The following FIBCD1 variants were observed in gnomAD, a reference collection of about 807,000 sequenced individuals.
FIBCD1 encodes the protein fibrinogen C domain-containing protein 1.
A neutral mutation model predicts 45.1 loss-of-function variants in FIBCD1; 47 were observed. The observed-to-expected ratio is 1.04, with a 90% CI of 0.82 to 1.33. The LOEUF (loss-of-function observed/expected upper bound fraction) is 1.33. Among genes scored for constraint, FIBCD1 ranks in the 40% most tolerant of loss-of-function variants. The pLI is 0.00. For synonymous variants in FIBCD1, 313 were observed against 308.1 expected (o/e 1.02, Z -0.17); for missense variants, 653 against 682.2 (o/e 0.96, Z 0.48).
intron 1 of FIBCD1, among the ~76,000 whole-genome samples, chr9:130,932,076 C>T (rs1832453234): frequency 6.6e-6 from 1 of 152,174 alleles, no homozygotes; most frequent in Admixed American, 6.5e-5. Flanking sequence ...CTTTTTTTCA[C>T]GTTTTAGCAT....
At chr9:130,921,393 C>T (rs1490769445) in intron 4 of FIBCD1, among the ~76,000 whole-genome samples, 1 of 152,204 alleles carries the variant, frequency 6.6e-6, no homozygotes, top group Non-Finnish European at 1.5e-5. Context: ...TCGAGAGGTT[C>T]CTGGGAAAAG....
Position 130,905,263 on chromosome 9 carries a change from A to G in FIBCD1, c.1097T>C (p.Leu366Pro). ...SVDPEEDGYPLTVADYSGTAG... is the reference protein window; with the variant it reads ...SVDPEEDGYPPTVADYSGTAG... ...AGTGCCGGAATAGTCAGCCACGGTG[A>G]GCGGGTACCCGTCTTCCTCAGGGTC... is the stretch of plus-strand genomic sequence containing the variant. The change falls in exon 6 of 7, where the codon CTC becomes CCC. Residue 366 changes from leucine to proline, a missense_variant. Transcript: ENST00000372338. 1 of 1,613,844 alleles carries G rather than the reference A, an allele frequency of 6.2e-7. No homozygotes were observed. Among genetic ancestry groups the G allele is most frequent in the Non-Finnish European group, 8.5e-7 (1 of 1,179,974 alleles).
rs1279043379 is a variant in FIBCD1, at chr9:130,926,442, C to G, written c.553-2046G>C. On this transcript the variant is annotated intron_variant, in intron 2 of 6. Coordinates refer to ENST00000372338, the MANE Select transcript of FIBCD1 (RefSeq NM_032843.5). This position sits in a 1 kb window ranked among gnomAD's most constrained non-coding sequence, Gnocchi z 4.1. ...GCGCTTAGCGGTAGTGGTGTCAGAGCTGCTGTCCCCGGCACTGCTTAGCTG... is the reference window on the plus strand; with the variant it reads ...GCGCTTAGCGGTAGTGGTGTCAGAGGTGCTGTCCCCGGCACTGCTTAGCTG... 6.6e-6 allele frequency among the ~76,000 whole-genome samples: 1 copy of G among 152,230 alleles called. No individual in the cohort carries two copies. The highest frequency in any genetic ancestry group is 1.5e-5 in the Non-Finnish European group (1 of 68,046).
chr9:130,916,011 CCTCTGCCTCCCAGGTTCAAGCAATT>C (rs1476939111), intron 4 of FIBCD1, among the ~76,000 whole-genome samples: 12 of 152,208 alleles, frequency 7.9e-5, no homozygotes, highest in African/African-American at 1.9e-4. Context: ...CTCACTGCAA[CCTCTGCCTCCCAGGTTCAAGCAATT>C]CTCTGCCTCA....
At chr9:130,904,906 C>G (rs1377884226) in intron 6 of FIBCD1, among the ~76,000 whole-genome samples, 1 of 152,186 alleles carries the variant, frequency 6.6e-6, no homozygotes, top group Non-Finnish European at 1.5e-5. Context: ...TTCGCAGAAG[C>G]TCATCTTTTA....
intron 1 of FIBCD1, among the ~76,000 whole-genome samples, chr9:130,930,313 C>A (rs1463292604): frequency 6.6e-6 from 1 of 151,730 alleles, no homozygotes; most frequent in East Asian, 1.9e-4. Flanking sequence ...GAGGTGGAGA[C>A]ATAGGGAGAG....
At chr9:130,917,160 C>G in intron 4 of FIBCD1, among the ~76,000 whole-genome samples, 1 of 152,158 alleles carries the variant, frequency 6.6e-6, no homozygotes, top group African/African-American at 2.4e-5. Context: ...ATTACTGATT[C>G]ATTTTCAGGC....
At chr9:130,938,399 AT>A (rs1832553819) in intron 1 of FIBCD1, 136 bp downstream of exon 1, 1 of 688,376 alleles carries the variant, frequency 1.5e-6, no homozygotes, top group African/African-American at 1.9e-5. Flanking sequence ...GAGGGTCCCC[AT>A]CCCGGCCCGG....
rs919781100 is a variant in FIBCD1, at chr9:130,926,708, G to C, written c.553-2312C>G. On this transcript the variant is annotated intron_variant, in intron 2 of 6. Transcript: ENST00000372338. This position sits in a 1 kb window ranked among gnomAD's most constrained non-coding sequence, Gnocchi z 4.1. ...GTGGTGGCGGGCGCCTGTAGTCCCA[G>C]CTACTCAGGAGGCTGAGGCAGGAGA... 6.6e-6 allele frequency among the ~76,000 whole-genome samples: 1 copy of C among 152,152 alleles called. No individual in the cohort carries two copies. The highest frequency in any genetic ancestry group is 1.5e-5 in the Non-Finnish European group (1 of 68,012).
chr9:130,906,917 G>A lies in FIBCD1; in HGVS notation c.947-1504C>T, dbSNP rs12346186. Among the ~76,000 whole-genome samples, 41 of 152,254 alleles carry A rather than the reference G, an allele frequency of 2.7e-4. 1 individual carries two copies. The highest frequency in any genetic ancestry group is 8.7e-4 in the African/African-American group (36 of 41,552). Reference sequence around the variant, plus strand: ...GCTGACTGCTGCTTCCCAAGGCCCCGGGGAAGGAGTGCCTATTACTACCTA... The same window carrying A: ...GCTGACTGCTGCTTCCCAAGGCCCCAGGGAAGGAGTGCCTATTACTACCTA... On this transcript the variant is annotated intron_variant, in intron 5 of 6. Coordinates refer to ENST00000372338, the MANE Select transcript of FIBCD1 (RefSeq NM_032843.5).
At chr9:130,938,430 G>T in intron 1 of FIBCD1, 106 bp downstream of exon 1, 1 of 961,536 alleles carries the variant, frequency 1.0e-6, no homozygotes, top group African/African-American at 1.7e-5. Flanking sequence ...GCCTCGAAGG[G>T]GTGCGCCCCA....
rs1323531660 is a variant in FIBCD1 at position 130,930,066 on chromosome 9, G to A, written c.73-20C>T. On this transcript the variant is annotated intron_variant, in intron 1 of 6. Transcript: ENST00000372338. ...CGGCCGCTGCAGGCCCGCCCGGGAC[G>A]CACAGACACAGACAGACAGACGGGA... The A allele has an allele frequency of 1.7e-5, 26 of 1,498,402 alleles. No homozygotes were observed. Among genetic ancestry groups the A allele is most frequent in the African/African-American group, 2.8e-5 (2 of 72,086 alleles). 92.8% of individuals were successfully genotyped at this position (1,498,402 alleles called of 1,614,324 possible).
rs12342367 is a variant in FIBCD1 at position 130,904,170 on chromosome 9, G to A, written c.1280C>T (p.Ala427Val). The change falls in exon 7 of 7, where the codon GCG becomes GTG. Residue 427 changes from alanine to valine, a missense_variant. Transcript: ENST00000372338. ...SNLNGQYLRG[A>V]HASYADGVEW... ...CACGCCGTCGGCATAGGAGGCGTGC[G>A]CACCGCGCAGGTACTGCCCATTGAG... The A allele has an allele frequency of 1.9e-3, 3,015 of 1,613,652 alleles. 51 individuals are homozygous for A. In the African/African-American group the frequency reaches 0.035, roughly 19 times the overall value.
At position 130,904,200 on chromosome 9, in the gene FIBCD1, G is replaced by A; in HGVS notation, c.1250C>T (p.Ser417Phe). 1 of 1,613,812 alleles carries A rather than the reference G, an allele frequency of 6.2e-7. No individual in the cohort carries two copies. The highest frequency in any genetic ancestry group is 1.3e-5 in the African/African-American group (1 of 75,072). The part of the protein sequence containing the change: ...GAWWYRNCHT[S>F]NLNGQYLRGA... Reference sequence around the variant, plus strand: ...GCGCAGGTACTGCCCATTGAGGTTGGACGTGTGGCAGTTGCGGTACCACCA... The same window carrying A: ...GCGCAGGTACTGCCCATTGAGGTTGAACGTGTGGCAGTTGCGGTACCACCA... The change falls in exon 7 of 7, where the codon TCC becomes TTC. Residue 417 changes from serine to phenylalanine, a missense_variant. Ser to Phe is a radical substitution (Grantham distance 155, BLOSUM62 -2). Transcript: ENST00000372338.
chr9:130,904,099 C>CA lies in FIBCD1; in HGVS notation c.1350dup (p.Glu451Ter). On this transcript the variant is annotated frameshift_variant, in exon 7 of 7. Transcript: ENST00000372338. LOFTEE classifies it high-confidence loss of function. Reference sequence around the variant, plus strand: ...TCCCGGACCGGCCGGATCTTCATCTCAGAGAACTTGAGTGAGTACTGCCAG... The same window carrying CA: ...TCCCGGACCGGCCGGATCTTCATCTCAAGAGAACTTGAGTGAGTACTGCCAG... The CA allele has an allele frequency of 1.9e-6, 3 of 1,613,140 alleles. No homozygotes were observed. The South Asian group carries it at 3.3e-5, about 18-fold the overall frequency.
At chr9:130,935,193 G>A (rs1832500388) in intron 1 of FIBCD1, among the ~76,000 whole-genome samples, 1 of 152,186 alleles carries the variant, frequency 6.6e-6, no homozygotes, top group Admixed American at 6.5e-5. Flanking sequence ...AATGTTCTTA[G>A]AAATTTTGAA....
chr9:130,905,404 C>T lies in FIBCD1; in HGVS notation c.956G>A (p.Arg319Lys), dbSNP rs924429722. ...AGCCTGTGTGGTCAGGGCGTGGATC[C>T]TCTTGAGCCCTGAAGTTGGGGGGAA... ...LTGEHWLGLKRIHALTTQAAY... is the reference protein window; with the variant it reads ...LTGEHWLGLKKIHALTTQAAY... The change falls in exon 6 of 7, where the codon AGG becomes AAG. Residue 319 changes from arginine (R) to lysine (K), a missense_variant. Transcript: ENST00000372338. 27 of 1,609,420 alleles carry T rather than the reference C, an allele frequency of 1.7e-5. No homozygotes were observed. Among genetic ancestry groups the T allele is most frequent in the African/African-American group, 2.7e-5 (2 of 74,798 alleles).
At position 130,903,766 on chromosome 9, in the gene FIBCD1, G is replaced by A; in HGVS notation, c.*298C>T. On this transcript the variant is annotated 3_prime_UTR_variant, in exon 7 of 7. Coordinates refer to ENST00000372338, the MANE Select transcript of FIBCD1 (RefSeq NM_032843.5). ...ACTCCACCATCCTGGCCAGGGGACG[G>A]CAAACAGCACCGGAGTCACAGTGGG... is the stretch of plus-strand genomic sequence containing the variant. 1 of 512,524 alleles carries A rather than the reference G, an allele frequency of 2.0e-6. No homozygotes were observed. The highest frequency in any genetic ancestry group is 3.6e-6 in the Non-Finnish European group (1 of 277,388). The allele number at this position is 512,524 out of a possible 1,614,324, so 31.7% of individuals were successfully genotyped here.
chr9:130,918,227 G>C (rs1460037764), intron 4 of FIBCD1, among the ~76,000 whole-genome samples: 1 of 152,252 alleles, frequency 6.6e-6, no homozygotes, highest in Non-Finnish European at 1.5e-5. Flanking sequence ...AGCTTGCTGG[G>C]AACCCTGAGA....
Sources: gnomAD v4.1 joint callset for allele counts (sites outside exome capture counted in the v4.1 genomes callset) on GRCh38, gnomAD v4.1.1 for gene constraint, Gnocchi (gnomAD v3.1) non-coding constraint, MANE v1.5 for transcripts, NCBI Gene and HGNC (gene_info 2026-07-23, HGNC 2026-07-21) for gene names.